Variants in NRG3 observed in about 807,000 individuals in gnomAD.
NRG3 encodes neuregulin 3.
In NRG3, 31 loss-of-function variants were observed where a neutral mutation model predicts 66.9. The ratio of observed to expected loss-of-function variants is 0.46; its 90% CI spans 0.35 to 0.63. NRG3 has a LOEUF of 0.63. NRG3 is among the 20% of genes least tolerant of loss of function. The pLI is 0.00. For missense variants in NRG3, 910 were observed against 878.9 expected (o/e 1.04, Z -0.45); for synonymous variants, 393 against 359.4 (o/e 1.09, Z -1.06).
chr10:82,883,680 CTTA>C (rs1842482541), intron 4 of NRG3, among the ~76,000 whole-genome samples: 1 of 152,032 alleles, frequency 6.6e-6, no homozygotes, highest in South Asian at 2.1e-4. Context: ...CTTAGTCATA[CTTA>C]TTATGATATT....
At chr10:82,315,958 T>G (rs929235204) in intron 1 of NRG3, among the ~76,000 whole-genome samples, 2 of 152,116 alleles carry the variant, frequency 1.3e-5, no homozygotes, top group Non-Finnish European at 2.9e-5. Flanking sequence ...ATATATGTGA[T>G]TTTTACCATT....
intron 1 of NRG3, among the ~76,000 whole-genome samples, chr10:82,173,178 A>G (rs1222450695): frequency 2.0e-5 from 3 of 152,150 alleles, no homozygotes; most frequent in African/African-American, 7.2e-5. Flanking sequence ...AAGTATTTGC[A>G]TCTGCACATT....
intron 3 of NRG3, among the ~76,000 whole-genome samples, chr10:82,770,901 A>C (rs1162384577): frequency 6.6e-6 from 1 of 152,166 alleles, no homozygotes; most frequent in Non-Finnish European, 1.5e-5. Flanking sequence ...TATCAGAATG[A>C]AGAGAAAAAA....
chr10:82,150,356 C>A (rs2070615044), intron 1 of NRG3, among the ~76,000 whole-genome samples: 3 of 150,638 alleles, frequency 2.0e-5, no homozygotes, highest in Non-Finnish European at 4.4e-5. Context: ...CCAGCCCACC[C>A]CTTTGGTGGC....
rs183225747 is a variant in NRG3 at position 82,056,466 on chromosome 10, G to A, written c.823+180303G>A. Among the ~76,000 whole-genome samples, 41 of 152,226 alleles carry A rather than the reference G, an allele frequency of 2.7e-4. No individual in the cohort carries two copies. The East Asian group carries it at 7.9e-3, about 29-fold the overall frequency. On this transcript the variant is annotated intron_variant, in intron 1 of 8. Coordinates refer to ENST00000372141, the MANE Select transcript of NRG3 (RefSeq NM_001010848.4). ...ATTTAGATACAATTATAGAAGTGAGGGGCTAAAGATGATTGCAGAATAAAG... is the reference window on the plus strand; with the variant it reads ...ATTTAGATACAATTATAGAAGTGAGAGGCTAAAGATGATTGCAGAATAAAG...
At chr10:81,899,538 G>A (rs1263878065) in intron 1 of NRG3, among the ~76,000 whole-genome samples, 1 of 152,198 alleles carries the variant, frequency 6.6e-6, no homozygotes, top group Middle Eastern at 3.2e-3. Flanking sequence ...AGGTAAGGGG[G>A]AATGTGCTGG....
intron 3 of NRG3, among the ~76,000 whole-genome samples, chr10:82,838,843 T>C (rs964510686): frequency 1.3e-5 from 2 of 152,114 alleles, no homozygotes; most frequent in African/African-American, 4.8e-5. Context: ...GACTGGGTAA[T>C]TTATTAAGAA....
chr10:82,647,483 A>G (rs2051037545), intron 2 of NRG3, among the ~76,000 whole-genome samples: 1 of 152,204 alleles, frequency 6.6e-6, no homozygotes, highest in Non-Finnish European at 1.5e-5. Flanking sequence ...ATGTGTCTTT[A>G]TAGCAGCATG....
intron 1 of NRG3, among the ~76,000 whole-genome samples, chr10:82,133,896 TC>T (rs1478215134): frequency 1.3e-5 from 2 of 152,192 alleles, no homozygotes; most frequent in Admixed American, 1.3e-4. Context: ...GTATTTGTGT[TC>T]CCTTTTCTCT....
intron 1 of NRG3, among the ~76,000 whole-genome samples, chr10:82,026,104 T>G (rs7101028): frequency 0.39 from 59,150 of 151,754 alleles, 12,960 homozygotes; most frequent in South Asian, 0.56. Context: ...TGGAGTCTTT[T>G]AGAGCAATTT....
chr10:82,669,543 G>A (rs1390756970), intron 2 of NRG3, among the ~76,000 whole-genome samples: 1 of 152,102 alleles, frequency 6.6e-6, no homozygotes, highest in South Asian at 2.1e-4. Flanking sequence ...GTGACTGCTG[G>A]AAGGCACATT....
At chr10:81,914,119 T>A (rs956588740) in intron 1 of NRG3, among the ~76,000 whole-genome samples, 1 of 152,202 alleles carries the variant, frequency 6.6e-6, no homozygotes, top group Non-Finnish European at 1.5e-5. Flanking sequence ...TATTGACGTA[T>A]TCCTGATGGT....
In NRG3 at chr10:82,985,760, A is replaced by T. The variant is rs1853389810; in HGVS notation, c.*155A>T. The T allele has an allele frequency of 1.6e-5, 13 of 820,408 alleles. No individual in the cohort carries two copies. The South Asian group carries it at 2.1e-4, about 13-fold the overall frequency. 50.8% of individuals were successfully genotyped at this position (820,408 alleles called of 1,614,324 possible). On this transcript the variant is annotated 3_prime_UTR_variant, in exon 9 of 9. Coordinates refer to ENST00000372141, the MANE Select transcript of NRG3 (RefSeq NM_001010848.4). ...ATATCATAGTGTTTTTTAACAAAAT[A>T]TTTTTTTAAGGGAAAGAAATGTTTC...
chr10:82,416,339 G>A (rs551992894), intron 2 of NRG3, among the ~76,000 whole-genome samples: 1 of 152,286 alleles, frequency 6.6e-6, no homozygotes, highest in East Asian at 1.9e-4. Flanking sequence ...CAGGAAGACG[G>A]CACCAAGGAA....
chr10:82,706,601 C>T (rs370089721), intron 2 of NRG3, among the ~76,000 whole-genome samples: 7 of 152,106 alleles, frequency 4.6e-5, no homozygotes, highest in African/African-American at 1.7e-4. Context: ...ATTTGTTAAA[C>T]AACATTATGC....
chr10:82,154,048 C>T (rs533198050), intron 1 of NRG3, among the ~76,000 whole-genome samples: 1 of 151,902 alleles, frequency 6.6e-6, no homozygotes, highest in East Asian at 1.9e-4. Flanking sequence ...TAATTGTTTT[C>T]TTTGCTATGC....
intron 2 of NRG3, among the ~76,000 whole-genome samples, chr10:82,516,494 CCACA>C (rs916643475): frequency 2.0e-5 from 3 of 151,920 alleles, no homozygotes; most frequent in Non-Finnish European, 2.9e-5. Flanking sequence ...TATCTATCAT[CCACA>C]CACACACAAA....
At chr10:82,259,094 T>G (rs1428640359) in intron 1 of NRG3, among the ~76,000 whole-genome samples, 1 of 151,658 alleles carries the variant, frequency 6.6e-6, no homozygotes. Context: ...CCTTATGGAA[T>G]TAATGCAACC....
At chr10:82,365,895 T>C (rs2084490008) in intron 2 of NRG3, among the ~76,000 whole-genome samples, 1 of 152,244 alleles carries the variant, frequency 6.6e-6, no homozygotes, top group African/African-American at 2.4e-5. Context: ...TGTTTTCTTC[T>C]GTGATTAGTG....
Sources: gnomAD v4.1 joint callset for allele counts (sites outside exome capture counted in the v4.1 genomes callset) on GRCh38, gnomAD v4.1.1 for gene constraint, MANE v1.5 for transcripts, NCBI Gene and HGNC (gene_info 2026-07-23, HGNC 2026-07-21) for gene names.